The following AHCTF1 variants were observed in gnomAD, a reference collection of about 807,000 sequenced individuals.
AHCTF1 encodes the protein AT-hook containing transcription factor 1, also known as protein ELYS.
In AHCTF1, 24 loss-of-function variants were observed where a neutral mutation model predicts 248.4. The observed-to-expected ratio is 0.10, with a 90% confidence interval of 0.07 to 0.14. AHCTF1 has a LOEUF of 0.14. AHCTF1 is among the 10% of genes least tolerant of loss of function. The pLI, the probability that AHCTF1 is intolerant of heterozygous loss-of-function variation, is 1.00. For missense variants in AHCTF1, 2,206 were observed against 2,636.2 expected (o/e 0.84, Z 3.57); for synonymous variants, 786 against 929.8 (o/e 0.85, Z 2.81).
intron 4 of AHCTF1, 133 bp downstream of exon 4, chr1:246,913,099 T>C: frequency 1.5e-6 from 1 of 645,464 alleles, no homozygotes; most frequent in Non-Finnish European, 2.3e-6. Flanking sequence ...TAAAATACCT[T>C]TTTTTTTTTT....
intron 12 of AHCTF1, among the ~76,000 whole-genome samples, chr1:246,896,544 C>A (rs558320309): frequency 6.6e-6 from 1 of 152,106 alleles, no homozygotes; most frequent in African/African-American, 2.4e-5. Flanking sequence ...TTATGTAAGG[C>A]TGGGTAGGAT....
chr1:246,887,528 T>C (rs1034197080), intron 19 of AHCTF1, among the ~76,000 whole-genome samples, 171 bp from the exon 20 acceptor site: 1 of 152,194 alleles, frequency 6.6e-6, no homozygotes, highest in Non-Finnish European at 1.5e-5. Context: ...TTTTAGTAAA[T>C]GTGGGTACAA....
intron 12 of AHCTF1, among the ~76,000 whole-genome samples, chr1:246,896,910 C>T (rs904342885): frequency 6.6e-5 from 10 of 152,140 alleles, no homozygotes; most frequent in Admixed American, 6.5e-4. Context: ...TGACTCTAAA[C>T]GGAGACTCAC....
At chr1:246,888,081 T>C in intron 19 of AHCTF1, 96 bp downstream of exon 19, 3 of 1,383,982 alleles carry the variant, frequency 2.2e-6, no homozygotes, top group Non-Finnish European at 3.0e-6. Context: ...AAAACCAAAA[T>C]TCAACCTTGC....
At chr1:246,926,991 G>A (rs1416817246) in intron 1 of AHCTF1, among the ~76,000 whole-genome samples, 5 of 151,624 alleles carry the variant, frequency 3.3e-5, no homozygotes, top group South Asian at 2.1e-4. Flanking sequence ...TGGCTAACAA[G>A]GTGAAATCCC....
chr1:246,872,429 A>G (rs1206647471), intron 24 of AHCTF1, among the ~76,000 whole-genome samples: 1 of 152,116 alleles, frequency 6.6e-6, no homozygotes. Flanking sequence ...CACACACAAA[A>G]AGACAAATGA....
chr1:246,931,437 G>C, intron 1 of AHCTF1, 141 bp downstream of exon 1: 1 of 1,375,502 alleles, frequency 7.3e-7, no homozygotes, highest in East Asian at 3.0e-5. Context: ...CGTTGGCCCC[G>C]CGCACGCCCG....
intron 24 of AHCTF1, among the ~76,000 whole-genome samples, chr1:246,868,916 C>G (rs368654840): frequency 1.0e-4 from 15 of 146,982 alleles, no homozygotes; most frequent in African/African-American, 3.3e-4. Context: ...GTGATCTCGG[C>G]TCACTGCAAG....
rs578218312 is a variant in AHCTF1, at chr1:246,901,493, G to A, written c.1118-1024C>T. Among the ~76,000 whole-genome samples the A allele has an allele frequency of 5.3e-5, 8 of 152,212 alleles. No homozygotes were observed. The South Asian group carries it at 6.2e-4, about 12-fold the overall frequency. ...CAAAAAATTAGCTGGGCATGGTGGC[G>A]GGTGCTTGTAGCCCCAGCTACTTAG... On this transcript the variant is annotated intron_variant, in intron 8 of 35. Transcript: ENST00000648844.
intron 24 of AHCTF1, among the ~76,000 whole-genome samples, chr1:246,868,318 A>T (rs1431677171): frequency 6.6e-6 from 1 of 151,786 alleles, no homozygotes; most frequent in Non-Finnish European, 1.5e-5. Flanking sequence ...AAAGGGTTTC[A>T]CCATGTTGGC....
intron 1 of AHCTF1, among the ~76,000 whole-genome samples, chr1:246,927,009 C>T (rs1381608102): frequency 4.6e-5 from 7 of 151,776 alleles, no homozygotes; most frequent in Non-Finnish European, 8.8e-5. Context: ...CCCGTCTCTA[C>T]TAAAAATACA....
intron 32 of AHCTF1, chr1:246,851,774 GA>G (rs1015312526): frequency 8.6e-5 from 17 of 198,242 alleles, no homozygotes; most frequent in Admixed American, 4.4e-4. Context: ...TCTCACCCAA[GA>G]AAAAAAATTA....
chr1:246,877,267 T>C lies in AHCTF1; in HGVS notation c.2696A>G (p.His899Arg), dbSNP rs1663042043. 1 of 1,603,368 alleles carries C rather than the reference T, an allele frequency of 6.2e-7. No individual in the cohort carries two copies. Among genetic ancestry groups the C allele is most frequent in the Non-Finnish European group, 8.5e-7 (1 of 1,176,790 alleles). The change falls in exon 22 of 36, where the codon CAT (histidine) becomes CGT (arginine). Residue 899 changes from histidine (H) to arginine (R), a missense_variant. By Grantham distance (29) the His-to-Arg change is conservative. Coordinates refer to ENST00000648844, the MANE Select transcript of AHCTF1 (RefSeq NM_001323342.2). ...MVEAWNFLRQ[H>R]CNRLNIEELL... ...CTCCTCTATATTCAACCTATTGCAATGTTGCCGCAAAAAATTCCAGGCTTC... is the reference window on the plus strand; with the variant it reads ...CTCCTCTATATTCAACCTATTGCAACGTTGCCGCAAAAAATTCCAGGCTTC...
Position 246,918,348 on chromosome 1 carries a change from A to G in AHCTF1, c.23T>C (p.Val8Ala). The G allele has an allele frequency of 6.2e-7, 1 of 1,612,138 alleles. No homozygotes were observed. Among genetic ancestry groups the G allele is most frequent in the Non-Finnish European group, 8.5e-7 (1 of 1,179,260 alleles). The change falls in exon 2 of 36, where the codon GTG becomes GCG. Residue 8 changes from valine to alanine, a missense_variant. Around this residue, in one of 6 missense-constraint regions of AHCTF1, gnomAD observed 69 missense variants for 85.4 expected, o/e 0.81. Coordinates refer to ENST00000648844, the MANE Select transcript of AHCTF1 (RefSeq NM_001323342.2). The stretch of plus-strand genomic sequence containing the variant: ...TGGAAATGGCAGGAGACCACTAGTC[A>G]CTTGAGCTCTTAAGTCTCGCATACT... MRDLRAQ[V>A]TSGLLPFPEV...
chr1:246,857,964 C>CTTT (rs1553287608), intron 29 of AHCTF1, 150 bp from the exon 30 acceptor site: 1 of 493,024 alleles, frequency 2.0e-6, no homozygotes, highest in Non-Finnish European at 3.4e-6. Flanking sequence ...ACACTTTCTT[C>CTTT]TTTTTTTTTT....
At chr1:246,908,127 CA>C (rs1197483553) in intron 4 of AHCTF1, among the ~76,000 whole-genome samples, 1 of 151,834 alleles carries the variant, frequency 6.6e-6, no homozygotes, top group African/African-American at 2.4e-5. Flanking sequence ...GATTCCGGGT[CA>C]GGGGGAAGAA....
At chr1:246,894,512 T>C (rs2800220) in intron 14 of AHCTF1, 147 bp downstream of exon 14, 336,148 of 651,114 alleles carry the variant, frequency 0.52, 90,172 homozygotes, top group African/African-American at 0.77. Context: ...CACTGCACTA[T>C]AGCCTGGCGA....
chr1:246,847,450 C>T (rs1306697515), intron 33 of AHCTF1, among the ~76,000 whole-genome samples: 4 of 152,114 alleles, frequency 2.6e-5, no homozygotes, highest in Admixed American at 6.6e-5. Context: ...GTGATTCTTT[C>T]GATGGCTGGA....
intron 4 of AHCTF1, among the ~76,000 whole-genome samples, chr1:246,909,950 A>G (rs1039841464): frequency 6.6e-6 from 1 of 152,204 alleles, no homozygotes; most frequent in Non-Finnish European, 1.5e-5. Context: ...CCCCCTGCTG[A>G]GAACCACTAG....
Sources: gnomAD v4.1 joint callset for allele counts (sites outside exome capture counted in the v4.1 genomes callset) on GRCh38, gnomAD v4.1.1 for gene constraint, gnomAD v4.1.1 regional missense constraint, MANE v1.5 for transcripts, NCBI Gene and HGNC (gene_info 2026-07-23, HGNC 2026-07-21) for gene names.